The following MMP26 variants were observed in gnomAD, a reference collection of about 807,000 sequenced individuals.
MMP26 encodes the protein matrix metalloproteinase-26.
Under a neutral mutation model 31.0 loss-of-function variants are expected in MMP26, and 33 were observed. The observed-to-expected ratio is 1.06, with a 90% CI of 0.81 to 1.42. MMP26 has a LOEUF of 1.42. Ranked by LOEUF, MMP26 falls within the 40% of genes most tolerant of loss-of-function variation. The pLI is 0.00. For missense variants in MMP26, 347 were observed against 316.1 expected, an observed-to-expected ratio of 1.10 and a Z score of -0.74; for synonymous variants, 122 against 114.9, an observed-to-expected ratio of 1.06 and a Z score of -0.40.
At chr11:4,751,541 G>A (rs760106898) in intron 1 of MMP26, among the ~76,000 whole-genome samples, 7 of 152,000 alleles carry the variant, frequency 4.6e-5, no homozygotes, top group South Asian at 2.1e-4. Flanking sequence ...TGAAGAAGTC[G>A]TAAGCAGACT....
chr11:4,723,894 C>T (rs1848057761), intron 1 of MMP26: 5 of 1,100,698 alleles, frequency 4.5e-6, no homozygotes, highest in African/African-American at 1.5e-5. Context: ...TCTTGATCTG[C>T]TCCTTCTCCT....
At chr11:4,879,998 T>C (rs1193024321) in intron 2 of MMP26, among the ~76,000 whole-genome samples, 1 of 152,080 alleles carries the variant, frequency 6.6e-6, no homozygotes, top group Non-Finnish European at 1.5e-5. Flanking sequence ...TTAGCAGATA[T>C]CTATTACTGT....
At chr11:4,977,090 A>G (rs1288826667) in intron 2 of MMP26, among the ~76,000 whole-genome samples, 1 of 151,320 alleles carries the variant, frequency 6.6e-6, no homozygotes, top group East Asian at 1.9e-4. Flanking sequence ...TACTTCCTAT[A>G]TTAAATAAAT....
rs553308850 is a variant in MMP26 at position 4,740,691 on chromosome 11, A to C, written c.-216-26579A>C. ...AGAGTGAGACTCTGTCAAAAAAAAAAAAAAAAAGAAACTATATTTTGGCTT... is the reference window on the plus strand; with the variant it reads ...AGAGTGAGACTCTGTCAAAAAAAAACAAAAAAAGAAACTATATTTTGGCTT... On this transcript the variant is annotated intron_variant, in intron 1 of 7. Transcript: ENST00000380390. Among the ~76,000 whole-genome samples the C allele has an allele frequency of 2.0e-3, 302 of 149,946 alleles. 2 individuals carry two copies. The highest frequency in any genetic ancestry group is 2.5e-3 in the Non-Finnish European group (165 of 66,962).
intron 1 of MMP26, among the ~76,000 whole-genome samples, chr11:4,762,278 G>A (rs1216725866): frequency 6.6e-6 from 1 of 152,110 alleles, no homozygotes; most frequent in Non-Finnish European, 1.5e-5. Flanking sequence ...ATCCAAATTT[G>A]TTTTAGTTAA....
At chr11:4,914,544 AC>A (rs11318208) in intron 2 of MMP26, 151,919 of 538,402 alleles carry the variant, frequency 0.28, 22,665 homozygotes, top group Non-Finnish European at 0.31. Flanking sequence ...ATTACATTTT[AC>A]CCCCCCCTGC....
intron 1 of MMP26, chr11:4,712,351 G>A (rs1025737351): frequency 1.3e-5 from 2 of 152,076 alleles, no homozygotes; most frequent in Non-Finnish European, 2.9e-5. Flanking sequence ...TATACCACAT[G>A]CTAAGAGTAG....
intron 2 of MMP26, among the ~76,000 whole-genome samples, chr11:4,778,016 T>C (rs1032132644): frequency 1.3e-5 from 2 of 152,080 alleles, no homozygotes; most frequent in Non-Finnish European, 2.9e-5. Context: ...TTGGCTTTAG[T>C]AGATATGGCC....
intron 1 of MMP26, among the ~76,000 whole-genome samples, chr11:4,746,853 A>G (rs1161634751): frequency 6.6e-6 from 1 of 151,384 alleles, no homozygotes; most frequent in African/African-American, 2.4e-5. Context: ...ACACACACAC[A>G]CACACACACA....
intron 1 of MMP26, among the ~76,000 whole-genome samples, chr11:4,728,861 A>G (rs1848137138): frequency 6.6e-6 from 1 of 152,082 alleles, no homozygotes. Flanking sequence ...TTTTAAAATC[A>G]AGTAAATGCA....
At chr11:4,834,238 T>C (rs1849686060) in intron 2 of MMP26, among the ~76,000 whole-genome samples, 2 of 152,098 alleles carry the variant, frequency 1.3e-5, no homozygotes, top group African/African-American at 4.8e-5. Context: ...TGCTGCCTTC[T>C]GAATTGAGGG....
At chr11:4,725,171 A>T (rs1442874612) in intron 1 of MMP26, among the ~76,000 whole-genome samples, 1 of 152,176 alleles carries the variant, frequency 6.6e-6, no homozygotes, top group Non-Finnish European at 1.5e-5. Flanking sequence ...GCCCAGCACC[A>T]TGCTTCCTGT....
At chr11:4,722,978 T>C in intron 1 of MMP26, 1 of 826,822 alleles carries the variant, frequency 1.2e-6, no homozygotes, top group East Asian at 2.4e-5. Context: ...CATCCCAGAC[T>C]CCAGCCGGCT....
At position 4,991,580 on chromosome 11, in the gene MMP26, G is replaced by C. The variant is rs375323811; in HGVS notation, c.595+84G>C. ...GATGGTTTCCATTTAGGGATCCAGA[G>C]TGGTCAGGGTGAGGTGGAAGATTTG... is the stretch of plus-strand genomic sequence containing the variant. On this transcript the variant is annotated intron_variant, in intron 6 of 7. Coordinates refer to ENST00000380390, the MANE Select transcript of MMP26 (RefSeq NM_021801.5). 55 of 1,535,524 alleles carry C rather than the reference G, an allele frequency of 3.6e-5. No individual in the cohort carries two copies. In the South Asian group the frequency reaches 3.9e-4, roughly 11 times the overall value.
At chr11:4,817,354 C>G (rs2133467716) in intron 2 of MMP26, among the ~76,000 whole-genome samples, 1 of 152,192 alleles carries the variant, frequency 6.6e-6, no homozygotes, top group South Asian at 2.1e-4. Context: ...GAGGCAAAGG[C>G]TGGAGGATAT....
intron 2 of MMP26, among the ~76,000 whole-genome samples, chr11:4,779,540 A>G (rs191258887): frequency 9.5e-5 from 12 of 125,676 alleles, no homozygotes; most frequent in African/African-American, 2.8e-4. Flanking sequence ...GTGTTTGTAC[A>G]ATTAGTATTT....
At chr11:4,710,638 A>T (rs1176668774) in intron 1 of MMP26, 2 of 352,334 alleles carry the variant, frequency 5.7e-6, no homozygotes, top group Non-Finnish European at 1.1e-5. Context: ...TATTCTGATG[A>T]TCCACTAACT....
At chr11:4,823,606 C>T (rs1408844847) in intron 2 of MMP26, among the ~76,000 whole-genome samples, 3 of 152,104 alleles carry the variant, frequency 2.0e-5, no homozygotes, top group African/African-American at 7.2e-5. Flanking sequence ...CCCATGAGGC[C>T]ATGGATGTGA....
chr11:4,783,068 C>G (rs1025385303), intron 2 of MMP26, among the ~76,000 whole-genome samples: 3 of 152,222 alleles, frequency 2.0e-5, no homozygotes, highest in African/African-American at 7.2e-5. Flanking sequence ...CACAGAGCCC[C>G]TACTGGGGCA....
Sources: allele counts gnomAD v4.1 joint callset (sites outside exome capture counted in the v4.1 genomes callset), GRCh38; gene constraint gnomAD v4.1.1; transcripts MANE v1.5; gene names NCBI Gene and HGNC (gene_info 2026-07-23, HGNC 2026-07-21).